FKBP1A: variants seen among roughly 807,000 people sequenced by gnomAD.
FKBP1A encodes the protein FKBP prolyl isomerase 1A, also known as peptidyl-prolyl cis-trans isomerase FKBP1A.
Under a neutral mutation model 14.2 loss-of-function variants are expected in FKBP1A, and 5 were observed. The observed-to-expected ratio is 0.35, with a 90% CI of 0.18 to 0.74. FKBP1A has a LOEUF of 0.74. Among genes scored for constraint, FKBP1A ranks in the 30% least tolerant of loss-of-function variants. The pLI is 0.56. For missense variants in FKBP1A, 53 were observed against 138.8 expected, an observed-to-expected ratio of 0.38 and a Z score of 3.10; for synonymous variants, 42 against 49.1, an observed-to-expected ratio of 0.86 and a Z score of 0.60.
At chr20:1,387,727 A>G (rs1324545691) in intron 2 of FKBP1A, among the ~76,000 whole-genome samples, 1 of 152,014 alleles carries the variant, frequency 6.6e-6, no homozygotes, top group African/African-American at 2.4e-5. Flanking sequence ...TGTATGCCCA[A>G]CTATTCAGAA....
intron 2 of FKBP1A, chr20:1,378,072 G>C (rs1025103859): frequency 7.6e-6 from 1 of 131,588 alleles, no homozygotes; most frequent in African/African-American, 2.9e-5. Context: ...TACTTTACCT[G>C]CTGTGAAGTC....
chr20:1,376,899 CA>C (rs1311716038), intron 2 of FKBP1A: 1 of 152,154 alleles, frequency 6.6e-6, no homozygotes, highest in East Asian at 1.9e-4. Flanking sequence ...TAGATATCTG[CA>C]ACTTCCTTTT....
rs778119565 is a variant in FKBP1A, at chr20:1,375,557, G to C, written c.132C>G (p.Asn44Lys). Residue 44 changes from asparagine to lysine, a missense_variant, in exon 3 of 5, where the codon AAC becomes AAG. Physicochemically the swap from Asn to Lys is moderately conservative, Grantham distance 94. Transcript: ENST00000400137. ...TGCCTAGCATAAACTTAAAGGGCTT[G>C]TTTCTGTCCCGGGAGGAATCAAATT... ...GKKFDSSRDR[N>K]KPFKFMLGKQ... is the part of the protein sequence containing the mutation. 1.4e-5 allele frequency: 22 copies of C among 1,613,940 alleles called. No individual in the cohort carries two copies. The highest frequency in any genetic ancestry group is 1.8e-5 in the Non-Finnish European group (21 of 1,179,994).
chr20:1,392,647 C>A (rs1022662628), intron 2 of FKBP1A, among the ~76,000 whole-genome samples, 187 bp downstream of exon 2: 1 of 152,094 alleles, frequency 6.6e-6, no homozygotes, highest in East Asian at 1.9e-4. Context: ...CCGATTCAGA[C>A]CCGCCCGGGT....
At chr20:1,388,929 ATG>A (rs2122708000) in intron 2 of FKBP1A, among the ~76,000 whole-genome samples, 1 of 152,054 alleles carries the variant, frequency 6.6e-6, no homozygotes, top group Admixed American at 6.5e-5. Context: ...TGTTCCTCTA[ATG>A]CACCGAGCAG....
At chr20:1,375,064 G>A (rs565587660) in intron 3 of FKBP1A, among the ~76,000 whole-genome samples, 1 of 152,114 alleles carries the variant, frequency 6.6e-6, no homozygotes, top group South Asian at 2.1e-4. Flanking sequence ...CTCGAACTCC[G>A]GACCTCAGGT....
chr20:1,381,404 T>G (rs904450612), intron 2 of FKBP1A, among the ~76,000 whole-genome samples: 5 of 152,200 alleles, frequency 3.3e-5, no homozygotes, highest in African/African-American at 1.2e-4. Context: ...CACCACTGAT[T>G]AGAATGAGTA....
At chr20:1,390,325 A>G (rs1297755420) in intron 2 of FKBP1A, among the ~76,000 whole-genome samples, 1 of 126,012 alleles carries the variant, frequency 7.9e-6, no homozygotes, top group Non-Finnish European at 1.6e-5. Flanking sequence ...GATACTCAAA[A>G]GAAGACAGAG....
rs1017409099 is a variant in FKBP1A at position 1,386,075 on chromosome 20, G to A, written c.85+6759C>T. Among the ~76,000 whole-genome samples, 29 of 152,354 alleles carry A rather than the reference G, an allele frequency of 1.9e-4. No individual in the cohort carries two copies. The highest frequency in any genetic ancestry group is 6.5e-4 in the African/African-American group (27 of 41,582). On this transcript the variant is annotated intron_variant, in intron 2 of 4. Transcript: ENST00000400137. The surrounding 1 kb of genome is among the most constrained non-coding windows in gnomAD (Gnocchi z 4.7). ...TTCACTCCTAAATTCTTGGTAGCCA[G>A]GACAGTGTCTTGTACATAGCAGACA...
At chr20:1,384,258 G>C (rs747719366) in intron 2 of FKBP1A, among the ~76,000 whole-genome samples, 4 of 152,168 alleles carry the variant, frequency 2.6e-5, no homozygotes, top group Non-Finnish European at 5.9e-5. Context: ...TCAATAAAAT[G>C]AGTGTGAATA....
At chr20:1,372,871 A>C (rs1437699652) in intron 3 of FKBP1A, among the ~76,000 whole-genome samples, 1 of 152,264 alleles carries the variant, frequency 6.6e-6, no homozygotes, top group African/African-American at 2.4e-5. Context: ...TGAGGAGAAC[A>C]GTATGGATAG....
intron 2 of FKBP1A, among the ~76,000 whole-genome samples, chr20:1,387,700 G>A (rs956879705): frequency 2.0e-5 from 3 of 151,994 alleles, no homozygotes; most frequent in Admixed American, 1.3e-4. Context: ...CAAAAATTAG[G>A]ACAGGTGGCA....
intron 4 of FKBP1A, 44 bp downstream of exon 4, chr20:1,372,032 G>T: frequency 6.3e-7 from 1 of 1,584,038 alleles, no homozygotes; most frequent in Non-Finnish European, 8.6e-7. Context: ...TAACATGGGA[G>T]GAGCAAAGGC....
At chr20:1,385,246 C>A (rs879514204) in intron 2 of FKBP1A, among the ~76,000 whole-genome samples, 1 of 151,970 alleles carries the variant, frequency 6.6e-6, no homozygotes, top group South Asian at 2.1e-4. Flanking sequence ...AAAAATCAGC[C>A]GGGCATGGTG....
At chr20:1,392,374 C>A (rs1170877079) in intron 2 of FKBP1A, among the ~76,000 whole-genome samples, 1 of 152,174 alleles carries the variant, frequency 6.6e-6, no homozygotes, top group Non-Finnish European at 1.5e-5. Context: ...GGAATTACCT[C>A]GTCCTCATCT....
intron 2 of FKBP1A, among the ~76,000 whole-genome samples, chr20:1,381,959 T>G (rs777188060): frequency 3.9e-5 from 6 of 152,122 alleles, no homozygotes; most frequent in Non-Finnish European, 7.4e-5. Flanking sequence ...ACATCAAAAT[T>G]TATGAAGCTG....
chr20:1,385,368 C>T (rs931682005), intron 2 of FKBP1A, among the ~76,000 whole-genome samples: 53 of 152,164 alleles, frequency 3.5e-4, no homozygotes, highest in African/African-American at 1.3e-3. Context: ...CCAGCCTGGG[C>T]GACAGAGTGA....
intron 2 of FKBP1A, among the ~76,000 whole-genome samples, chr20:1,388,155 T>C (rs1350191808): frequency 2.0e-5 from 3 of 152,218 alleles, no homozygotes; most frequent in East Asian, 1.9e-4. Flanking sequence ...GTGCTGAGGA[T>C]GAAGTACTCA....
At chr20:1,381,519 T>A (rs2089616065) in intron 2 of FKBP1A, among the ~76,000 whole-genome samples, 1 of 152,176 alleles carries the variant, frequency 6.6e-6, no homozygotes, top group Admixed American at 6.5e-5. Flanking sequence ...GAAAACAGCT[T>A]GATAGTTAAG....
Sources: allele counts gnomAD v4.1 joint callset (sites outside exome capture counted in the v4.1 genomes callset), GRCh38; gene constraint gnomAD v4.1.1; non-coding constraint Gnocchi (gnomAD v3.1); transcripts MANE v1.5; gene names NCBI Gene and HGNC (gene_info 2026-07-23, HGNC 2026-07-21).